Variants in AFAP1 observed in about 807,000 individuals in gnomAD.
AFAP1 encodes the protein actin filament-associated protein 1.
In AFAP1, 75 loss-of-function variants were observed where a neutral mutation model predicts 93.9. That is an observed-to-expected ratio of 0.80 (90% CI 0.66 to 0.97). The LOEUF is 0.97. AFAP1 is among the 50% of genes least tolerant of loss of function. The probability of loss-of-function intolerance (pLI) is 0.00; values close to 1 mark genes in which losing one functional copy is unlikely to be tolerated. For missense variants in AFAP1, 1,201 were observed against 1,050.8 expected, an observed-to-expected ratio of 1.14 and a Z score of -1.98; for synonymous variants, 517 against 430.7, an observed-to-expected ratio of 1.20 and a Z score of -2.48.
chr4:7,765,363 G>A (rs906171118), intron 17 of AFAP1, among the ~76,000 whole-genome samples: 3 of 152,168 alleles, frequency 2.0e-5, no homozygotes, highest in South Asian at 2.1e-4. Flanking sequence ...CCACCACCCT[G>A]TGCCCCTCGT....
In AFAP1 at chr4:7,873,858, G is replaced by A. The variant is rs890381334; in HGVS notation, c.-2-1778C>T. ...GCAATGACTTAGACTTGAGTACCTG[G>A]CAGACATGTTCTCAAGAATGAACAC... On this transcript the variant is annotated intron_variant, in intron 1 of 17. Coordinates refer to ENST00000420658, the MANE Select transcript of AFAP1 (RefSeq NM_001134647.2). 3.3e-5 allele frequency among the ~76,000 whole-genome samples: 5 copies of A among 152,264 alleles called. No homozygotes were observed. The East Asian group carries it at 9.6e-4, about 29-fold the overall frequency.
intron 4 of AFAP1, among the ~76,000 whole-genome samples, chr4:7,848,218 G>A (rs202134534): frequency 1.4e-4 from 9 of 62,712 alleles, no homozygotes; most frequent in Non-Finnish European, 2.2e-4. Context: ...AGGGAGGGAG[G>A]GAGGGAGGGA....
Position 7,843,066 on chromosome 4 carries a change from G to A in AFAP1, c.546+73C>T, listed in dbSNP as rs985317397. On this transcript the variant is annotated intron_variant, in intron 5 of 17. Coordinates refer to ENST00000420658, the MANE Select transcript of AFAP1 (RefSeq NM_001134647.2). ...TTCCTGCACAGCTGATGTTAATGGT[G>A]ACTGGATATAAACGCCATGGCTTCT... 15 of 1,499,806 alleles carry A rather than the reference G, an allele frequency of 1.0e-5. No individual in the cohort carries two copies. In the South Asian group the frequency reaches 1.1e-4, roughly 11 times the overall value. The allele number at this position is 1,499,806 out of a possible 1,614,324, so 92.9% of individuals were successfully genotyped here.
At chr4:7,805,306 C>T (rs1719405737) in intron 9 of AFAP1, among the ~76,000 whole-genome samples, 1 of 152,186 alleles carries the variant, frequency 6.6e-6, no homozygotes, top group Admixed American at 6.5e-5. Context: ...CATAAAGTGA[C>T]AGAACATTTC....
chr4:7,888,488 C>T (rs1234048136), intron 1 of AFAP1, among the ~76,000 whole-genome samples: 1 of 152,112 alleles, frequency 6.6e-6, no homozygotes, highest in Admixed American at 6.5e-5. Context: ...TAGCTTTATG[C>T]CCACAAATTC....
chr4:7,779,814 A>C (rs559138385), intron 13 of AFAP1, among the ~76,000 whole-genome samples: 2 of 152,356 alleles, frequency 1.3e-5, no homozygotes, highest in South Asian at 4.1e-4. Context: ...AGCATATGGC[A>C]CATAAGTGCT....
intron 9 of AFAP1, 55 bp from the exon 10 acceptor site, chr4:7,800,708 A>G: frequency 6.3e-7 from 1 of 1,587,170 alleles, no homozygotes; most frequent in Non-Finnish European, 8.6e-7. Context: ...AGGCGAGGTG[A>G]AGACGTCTAG....
At chr4:7,801,750 C>G (rs1719052328) in intron 9 of AFAP1, among the ~76,000 whole-genome samples, 1 of 151,684 alleles carries the variant, frequency 6.6e-6, no homozygotes, top group Non-Finnish European at 1.5e-5. Flanking sequence ...ACCCCTACCT[C>G]AAAAATGTTA....
chr4:7,768,922 G>A lies in AFAP1; in HGVS notation c.2340C>T (p.Asn780=), dbSNP rs762378919. 3.7e-6 allele frequency: 6 copies of A among 1,613,714 alleles called. No individual in the cohort carries two copies. The South Asian group carries it at 6.6e-5, about 18-fold the overall frequency. ...TSDTEGPVPV[N]SAAVLKKSQA... is the part of the protein sequence containing the mutation. Reference sequence around the variant, plus strand: ...GGCTCTTCTTCAAGACGGCCGCGCTGTTCACCGGCACGGGGCCCTCGGTGT... The same window carrying A: ...GGCTCTTCTTCAAGACGGCCGCGCTATTCACCGGCACGGGGCCCTCGGTGT... The change falls in exon 17 of 18, where the codon AAC becomes AAT. Residue 780 remains asparagine, a synonymous_variant. Transcript: ENST00000420658.
At chr4:7,775,122 C>A in intron 14 of AFAP1, 1 of 516,542 alleles carries the variant, frequency 1.9e-6, no homozygotes, top group African/African-American at 1.9e-5. Flanking sequence ...GCCTGGATGA[C>A]AGTGAGACCC....
intron 9 of AFAP1, among the ~76,000 whole-genome samples, chr4:7,805,195 C>T (rs928713398): frequency 2.0e-5 from 3 of 152,210 alleles, no homozygotes; most frequent in Admixed American, 6.5e-5. Flanking sequence ...GCTACAGTGC[C>T]TGGCTTCGTC....
rs1187626793 is a variant in AFAP1 at position 7,762,992 on chromosome 4, C to A, written c.*773G>T. ...GTGTACTGTTAGTGAAGTATTAAAA[C>A]CCTCTGCTACCTGTCAAAAGCAGCA... is the stretch of plus-strand genomic sequence containing the variant. On this transcript the variant is annotated 3_prime_UTR_variant, in exon 18 of 18. Transcript: ENST00000420658. 6.6e-6 allele frequency: 1 copy of A among 152,098 alleles called. No homozygotes were observed. Among genetic ancestry groups the A allele is most frequent in the African/African-American group, 2.4e-5 (1 of 41,394 alleles). 9.4% of individuals were successfully genotyped at this position (152,098 alleles called of 1,614,324 possible).
intron 6 of AFAP1, among the ~76,000 whole-genome samples, chr4:7,833,939 C>G (rs986023668): frequency 1.3e-5 from 2 of 152,008 alleles, no homozygotes. Flanking sequence ...ATCAGGCAAT[C>G]CCACTACTGG....
chr4:7,824,232 T>C (rs1309679208), intron 6 of AFAP1, among the ~76,000 whole-genome samples: 2 of 152,230 alleles, frequency 1.3e-5, no homozygotes, highest in African/African-American at 4.8e-5. Flanking sequence ...AAATTCAGAA[T>C]CGCAAATCCT....
chr4:7,921,048 C>T (rs977555144), intron 1 of AFAP1, among the ~76,000 whole-genome samples: 1 of 151,468 alleles, frequency 6.6e-6, no homozygotes, highest in African/African-American at 2.4e-5. Flanking sequence ...AGTTTGCCTC[C>T]AAAGAAAATG....
chr4:7,874,203 C>A (rs1717316445), intron 1 of AFAP1, among the ~76,000 whole-genome samples: 1 of 152,156 alleles, frequency 6.6e-6, no homozygotes. Flanking sequence ...CAGAGGATGG[C>A]ACAGCTTCAG....
At chr4:7,929,498 G>A (rs1208291094) in intron 1 of AFAP1, among the ~76,000 whole-genome samples, 1 of 152,192 alleles carries the variant, frequency 6.6e-6, no homozygotes, top group Non-Finnish European at 1.5e-5. Flanking sequence ...TCAGCTGCTC[G>A]GTTCCACTGT....
intron 12 of AFAP1, among the ~76,000 whole-genome samples, chr4:7,783,380 T>C (rs537287929): frequency 6.6e-6 from 1 of 152,330 alleles, no homozygotes; most frequent in African/African-American, 2.4e-5. Flanking sequence ...CCTTAAGTGA[T>C]CTGCCCACCT....
rs1265121257 is a variant in AFAP1, at chr4:7,760,172, G to C, written c.*3593C>G. 6.6e-6 allele frequency: 1 copy of C among 152,214 alleles called. No homozygotes were observed. The highest frequency in any genetic ancestry group is 1.5e-5 in the Non-Finnish European group (1 of 68,040). 9.4% of individuals were successfully genotyped at this position (152,214 alleles called of 1,614,324 possible). A position where few individuals can be genotyped will look rare whatever the true frequency, so the allele number is the denominator to read the frequency against. ...AACCTCAAACTCCTTCCTGGGGGTG[G>C]CCTCCAGAGCTGAGGCCACACTTTT... is the stretch of plus-strand genomic sequence containing the variant. On this transcript the variant is annotated 3_prime_UTR_variant, in exon 18 of 18. Coordinates refer to ENST00000420658, the MANE Select transcript of AFAP1 (RefSeq NM_001134647.2).
Sources: allele counts gnomAD v4.1 joint callset (sites outside exome capture counted in the v4.1 genomes callset), GRCh38; gene constraint gnomAD v4.1.1; transcripts MANE v1.5; gene names NCBI Gene and HGNC (gene_info 2026-07-23, HGNC 2026-07-21).